GSTA3: variants seen among roughly 807,000 people sequenced by gnomAD.
GSTA3 encodes the protein glutathione S-transferase alpha 3.
A neutral mutation model predicts 23.1 loss-of-function variants in GSTA3; 16 were observed. The ratio of observed to expected loss-of-function variants is 0.69; its 90% CI spans 0.47 to 1.05. GSTA3 has a LOEUF of 1.05. Among genes scored for constraint, GSTA3 ranks in the 50% least tolerant of loss-of-function variants. GSTA3 has a pLI of 0.00. For synonymous variants in GSTA3, 122 were observed against 91.0 expected (o/e 1.34, Z -1.94); for missense variants, 319 against 263.6 (o/e 1.21, Z -1.46).
intron 5 of GSTA3, 109 bp from the exon 6 acceptor site, chr6:52,898,065 G>T: frequency 2.3e-6 from 3 of 1,279,236 alleles, no homozygotes; most frequent in Non-Finnish European, 3.4e-6. Flanking sequence ...TGCCTAACTG[G>T]ATGGTGTGAA....
At chr6:52,902,227 C>T in intron 4 of GSTA3, 119 bp downstream of exon 4, 3 of 1,239,226 alleles carry the variant, frequency 2.4e-6, no homozygotes, top group Non-Finnish European at 3.5e-6. Flanking sequence ...CCTCAGTATA[C>T]ACGCCCAAGG....
intron 4 of GSTA3, among the ~76,000 whole-genome samples, chr6:52,900,772 G>A (rs1765655453): frequency 6.6e-6 from 1 of 152,214 alleles, no homozygotes; most frequent in African/African-American, 2.4e-5. Flanking sequence ...AACTTCGTGT[G>A]AGTCAAATGG....
Position 52,902,470 on chromosome 6 carries a change from A to G in GSTA3, c.148T>C (p.Leu50=). ...DLGKLRNDGS[L]MFQQVPMVEI... ...ACCATTGGTACTTGCTGGAACATCA[A>G]ACTCCCATCTTTAGAAAGAAGGAAA... Residue 50 remains leucine, a synonymous_variant, in exon 4 of 7, where the codon TTG becomes CTG. Transcript: ENST00000211122. 1.9e-6 allele frequency: 3 copies of G among 1,608,256 alleles called. No individual in the cohort carries two copies. Among genetic ancestry groups the G allele is most frequent in the East Asian group, 4.5e-5 (2 of 44,854 alleles).
chr6:52,905,824 T>G lies in GSTA3; in HGVS notation c.11A>C (p.Lys4Thr). Residue 4 changes from lysine to threonine, a missense_variant, in exon 2 of 7, where the codon AAG (lysine) becomes ACG (threonine). Physicochemically the swap from Lys to Thr is moderately conservative, Grantham distance 78. Transcript: ENST00000211122. MAGKPKLHYFNGRG... is the reference protein window; with the variant it reads MAGTPKLHYFNGRG... The stretch of plus-strand genomic sequence containing the variant: ...TCCATTGAAGTAGTGAAGCTTGGGC[T>G]TCCCTGCCATGGTAACAGTCTCTTG... 6.3e-7 allele frequency: 1 copy of G among 1,598,816 alleles called. No homozygotes were observed. Among genetic ancestry groups the G allele is most frequent in the Non-Finnish European group, 8.6e-7 (1 of 1,168,624 alleles).
In GSTA3 at chr6:52,900,010, C is replaced by G. The variant is rs45602042; in HGVS notation, c.338G>C (p.Arg113Pro). 6.2e-7 allele frequency: 1 copy of G among 1,613,360 alleles called. No homozygotes were observed. The highest frequency in any genetic ancestry group is 1.1e-5 in the South Asian group (1 of 91,046). The change falls in exon 5 of 7, where the codon CGA becomes CCA. Residue 113 changes from arginine (R) to proline (P), a missense_variant. Coordinates refer to ENST00000211122, the MANE Select transcript of GSTA3 (RefSeq NM_000847.5). ...NEMILLLPLC[R>P]PEEKDAKIAL... ...AATCTTGGCATCTTTTTCCTCAGGT[C>G]GACATAAGGGCAGAAGAAGGATCAT...
chr6:52,897,991 G>A, intron 5 of GSTA3, 35 bp from the exon 6 acceptor site: 1 of 1,612,752 alleles, frequency 6.2e-7, no homozygotes, highest in Non-Finnish European at 8.5e-7. Context: ...AGGAATACAT[G>A]CGCACCCAGG....
rs1765778078 is a variant in GSTA3 at position 52,903,657 on chromosome 6, CT to C, written c.139+18del. On this transcript the variant is annotated intron_variant, in intron 3 of 6. Coordinates refer to ENST00000211122, the MANE Select transcript of GSTA3 (RefSeq NM_000847.5). ...CTACTAGATACCCTCATCAGAGGCA[CT>C]TAGAGACTTGATCTTACCATTTCTT... 1.4e-6 allele frequency: 2 copies of C among 1,404,294 alleles called. No individual in the cohort carries two copies. Among genetic ancestry groups the C allele is most frequent in the Non-Finnish European group, 2.0e-6 (2 of 990,418 alleles). 87.0% of individuals were successfully genotyped at this position (1,404,294 alleles called of 1,614,324 possible). A position where few individuals can be genotyped will look rare whatever the true frequency, so the allele number is the denominator to read the frequency against.
Position 52,902,386 on chromosome 6 carries a change from T to C in GSTA3, c.232A>G (p.Lys78Glu). 6.2e-7 allele frequency: 1 copy of C among 1,614,050 alleles called. No homozygotes were observed. The highest frequency in any genetic ancestry group is 8.5e-7 in the Non-Finnish European group (1 of 1,179,908). The change falls in exon 4 of 7, where the codon AAA becomes GAA. Residue 78 changes from lysine to glutamate, a missense_variant. Transcript: ENST00000211122. Reference sequence around the variant, plus strand: ...ATGTCTTTCCCGTAGAGGTTGTATTTGCTGGCAATGTAGTTGAGAATGGCT... The same window carrying C: ...ATGTCTTTCCCGTAGAGGTTGTATTCGCTGGCAATGTAGTTGAGAATGGCT... ...TRAILNYIAS[K>E]YNLYGKDIKE...
Position 52,905,781 on chromosome 6 carries a change from G to A in GSTA3, c.54C>T (p.Pro18=), listed in dbSNP as rs45517432. 9.1e-5 allele frequency: 146 copies of A among 1,610,218 alleles called. No homozygotes were observed. The African/African-American group carries it at 1.7e-3, about 18-fold the overall frequency. ...HYFNGRGRME[P]IRWLLAAAGV... is the part of the protein sequence containing the mutation. ...CAGCTGCAGCCAAGAGCCACCGGAT[G>A]GGCTCCATTCTGCCCCGTCCATTGA... Residue 18 remains proline, a synonymous_variant, in exon 2 of 7, where the codon CCC becomes CCT. Coordinates refer to ENST00000211122, the MANE Select transcript of GSTA3 (RefSeq NM_000847.5).
rs1400522282 is a variant in GSTA3, at chr6:52,903,903, A to C, written c.88-176T>G. 2.0e-5 allele frequency among the ~76,000 whole-genome samples: 3 copies of C among 152,156 alleles called. No homozygotes were observed. The East Asian group carries it at 5.8e-4, about 29-fold the overall frequency. On this transcript the variant is annotated intron_variant, in intron 2 of 6. Transcript: ENST00000211122. Reference sequence around the variant, plus strand: ...CTTGGAAATTTAGATTTTATCCCTCAAGAAACAGGCATGGGTCAGACCATG... The same window carrying C: ...CTTGGAAATTTAGATTTTATCCCTCCAGAAACAGGCATGGGTCAGACCATG...
intron 6 of GSTA3, among the ~76,000 whole-genome samples, chr6:52,897,155 T>C (rs1050954415): frequency 6.6e-6 from 1 of 152,212 alleles, no homozygotes; most frequent in African/African-American, 2.4e-5. Context: ...AATTCAGTCA[T>C]CCCTATCTTT....
chr6:52,901,214 A>G (rs148164097), intron 4 of GSTA3, among the ~76,000 whole-genome samples: 2 of 152,036 alleles, frequency 1.3e-5, no homozygotes, highest in Non-Finnish European at 2.9e-5. Flanking sequence ...ATATCATCAC[A>G]CTCTAATTCT....
At chr6:52,900,467 T>A (rs926932490) in intron 4 of GSTA3, among the ~76,000 whole-genome samples, 1 of 152,138 alleles carries the variant, frequency 6.6e-6, no homozygotes, top group Non-Finnish European at 1.5e-5. Context: ...TTCTCCATGT[T>A]GGCCAGGCTG....
In GSTA3 at chr6:52,902,230, G is replaced by A. The variant is rs2281593; in HGVS notation, c.272+116C>T. 9.0e-3 allele frequency: 11,619 copies of A among 1,288,640 alleles called. 459 individuals are homozygous for A. The African/African-American group carries it at 0.11, about 12-fold the overall frequency. 79.8% of individuals were successfully genotyped at this position (1,288,640 alleles called of 1,614,324 possible). On this transcript the variant is annotated intron_variant, in intron 4 of 6. Transcript: ENST00000211122. ...TGCAATACTGGACCTCAGTATACAC[G>A]CCCAAGGCCCAGCCTGCTCCTGGTC...
chr6:52,899,529 C>A (rs949963356), intron 5 of GSTA3, among the ~76,000 whole-genome samples: 1 of 152,190 alleles, frequency 6.6e-6, no homozygotes, highest in African/African-American at 2.4e-5. Context: ...GGAAATTGGT[C>A]TCCTGTCTTC....
At chr6:52,899,109 G>A (rs1765578250) in intron 5 of GSTA3, among the ~76,000 whole-genome samples, 1 of 152,132 alleles carries the variant, frequency 6.6e-6, no homozygotes, top group Non-Finnish European at 1.5e-5. Flanking sequence ...GGTAGAGCAG[G>A]TAATCGGAAT....
chr6:52,903,624 T>G, intron 3 of GSTA3, 52 bp downstream of exon 3: 6 of 929,344 alleles, frequency 6.5e-6, no homozygotes, highest in Admixed American at 4.1e-5. Flanking sequence ...TCTTCAGCGG[T>G]ACCTTCTCTA....
chr6:52,898,023 G>C lies in GSTA3; in HGVS notation c.415-67C>G, dbSNP rs139037849. Reference sequence around the variant, plus strand: ...CAGGATGGGACCCCTGCTTCTCCCTGAGTCTTTCCAGCCTGACATTCCCAC... The same window carrying C: ...CAGGATGGGACCCCTGCTTCTCCCTCAGTCTTTCCAGCCTGACATTCCCAC... On this transcript the variant is annotated intron_variant, in intron 5 of 6. Coordinates refer to ENST00000211122, the MANE Select transcript of GSTA3 (RefSeq NM_000847.5). 3 of 1,579,516 alleles carry C rather than the reference G, an allele frequency of 1.9e-6. No individual in the cohort carries two copies. In the East Asian group the frequency reaches 6.7e-5, roughly 35 times the overall value.
chr6:52,899,603 C>A (rs1029117198), intron 5 of GSTA3, among the ~76,000 whole-genome samples: 9 of 152,204 alleles, frequency 5.9e-5, no homozygotes, highest in African/African-American at 2.2e-4. Flanking sequence ...TCAGACAAAG[C>A]CTGTGTTCCA....
Sources: allele counts gnomAD v4.1 joint callset (sites outside exome capture counted in the v4.1 genomes callset), GRCh38; gene constraint gnomAD v4.1.1; transcripts MANE v1.5; gene names NCBI Gene and HGNC (gene_info 2026-07-23, HGNC 2026-07-21).